Variants in ESR1 observed in about 807,000 individuals in gnomAD.
ESR1 encodes the protein estrogen receptor.
ESR1 carries 12 observed loss-of-function variants against 52.7 expected under a neutral mutation model. The observed-to-expected ratio is 0.23, with a 90% CI of 0.15 to 0.37. ESR1 has a LOEUF of 0.37. Among genes scored for constraint, ESR1 ranks in the 10% least tolerant of loss-of-function variants. The probability of loss-of-function intolerance (pLI) is 1.00; values close to 1 mark genes in which losing one functional copy is unlikely to be tolerated. For missense variants in ESR1, 584 were observed against 779.7 expected, an observed-to-expected ratio of 0.75 and a Z score of 2.99; for synonymous variants, 305 against 316.8, an observed-to-expected ratio of 0.96 and a Z score of 0.39.
At chr6:152,004,288 C>A (rs2042169858) in intron 4 of ESR1, among the ~76,000 whole-genome samples, 1 of 151,940 alleles carries the variant, frequency 6.6e-6, no homozygotes, top group South Asian at 2.1e-4. Flanking sequence ...GTGGTTAAGA[C>A]CAATAATTTT....
At chr6:151,872,759 A>C (rs1791189003) in intron 2 of ESR1, among the ~76,000 whole-genome samples, 1 of 152,128 alleles carries the variant, frequency 6.6e-6, no homozygotes, top group African/African-American at 2.4e-5. Flanking sequence ...ACAAAGCATC[A>C]CTCAGGAGTC....
intron 4 of ESR1, among the ~76,000 whole-genome samples, chr6:152,009,728 C>T (rs9340961): frequency 0.023 from 3,549 of 152,164 alleles, 66 homozygotes; most frequent in South Asian, 0.071. Context: ...CCTACTCTTA[C>T]GTATTTAACC....
chr6:151,673,122 G>A (rs887798043), intron 1 of ESR1, among the ~76,000 whole-genome samples: 1 of 151,972 alleles, frequency 6.6e-6, no homozygotes, highest in Non-Finnish European at 1.5e-5. Flanking sequence ...CACGGCGCCC[G>A]GCTTCATGAT....
rs1229789425 is a variant in ESR1 at position 152,061,637 on chromosome 6, C to T, written c.1369+513C>T. Among the ~76,000 whole-genome samples the T allele has an allele frequency of 6.6e-6, 1 of 152,194 alleles. No individual in the cohort carries two copies. The highest frequency in any genetic ancestry group is 1.9e-4 in the East Asian group (1 of 5,198). On this transcript the variant is annotated intron_variant, in intron 6 of 7. Transcript: ENST00000206249. The surrounding 1 kb of genome is among the most constrained non-coding windows in gnomAD (Gnocchi z 4.3). ...AGAATGTGGAATGCAATAAATTGTC[C>T]AGCTGAAAGAACATTTTCCATTTGC... is the stretch of plus-strand genomic sequence containing the variant.
intron 2 of ESR1, among the ~76,000 whole-genome samples, chr6:151,717,009 G>C (rs1781095198): frequency 2.0e-5 from 3 of 152,170 alleles, no homozygotes; most frequent in Admixed American, 6.5e-5. Context: ...GGAATCTCCT[G>C]GTCTGTGTGT....
chr6:151,774,459 G>C (rs1040800683), intron 2 of ESR1, among the ~76,000 whole-genome samples: 1 of 152,202 alleles, frequency 6.6e-6, no homozygotes, highest in South Asian at 2.1e-4. Context: ...TGGATCACTG[G>C]GGACTCATTA....
chr6:151,661,927 A>G (rs1777651387), intron 1 of ESR1, among the ~76,000 whole-genome samples: 1 of 152,152 alleles, frequency 6.6e-6, no homozygotes, highest in South Asian at 2.1e-4. Context: ...TGGAAATATG[A>G]GTCAATTAAA....
At chr6:151,731,607 G>T (rs1377573817) in intron 2 of ESR1, among the ~76,000 whole-genome samples, 2 of 152,056 alleles carry the variant, frequency 1.3e-5, no homozygotes, top group South Asian at 2.1e-4. Flanking sequence ...CCCTCAGAGA[G>T]TTTATGCTAA....
chr6:151,789,483 A>G (rs1787323595), intron 2 of ESR1, among the ~76,000 whole-genome samples: 2 of 152,198 alleles, frequency 1.3e-5, no homozygotes, highest in South Asian at 4.1e-4. Flanking sequence ...CATTTGTTCT[A>G]AATATTGAAG....
At chr6:151,657,130 C>T (rs1233064224) in intron 1 of ESR1, among the ~76,000 whole-genome samples, 2 of 151,970 alleles carry the variant, frequency 1.3e-5, no homozygotes, top group Non-Finnish European at 2.9e-5. Flanking sequence ...TTAGTTTTTT[C>T]TCTGTCTATT....
chr6:151,788,207 T>G (rs1787201196), intron 2 of ESR1, among the ~76,000 whole-genome samples: 1 of 152,210 alleles, frequency 6.6e-6, no homozygotes, highest in South Asian at 2.1e-4. Flanking sequence ...TTGCAAACTA[T>G]GCGTCTAACC....
chr6:151,818,906 C>T (rs1480090354), intron 1 of ESR1, among the ~76,000 whole-genome samples: 2 of 152,028 alleles, frequency 1.3e-5, no homozygotes, highest in African/African-American at 4.8e-5. Context: ...TCTTCCTCTG[C>T]ATAAAAGACC....
At chr6:151,739,974 G>T (rs932261677) in intron 2 of ESR1, among the ~76,000 whole-genome samples, 3 of 152,102 alleles carry the variant, frequency 2.0e-5, no homozygotes, top group Non-Finnish European at 4.4e-5. Context: ...CAGCACACTG[G>T]ACATTGTCTT....
intron 6 of ESR1, chr6:152,122,549 G>A (rs765163147): frequency 1.9e-6 from 3 of 1,614,226 alleles, no homozygotes; most frequent in Admixed American, 1.7e-5. Context: ...AGGCAGGCAA[G>A]CCCGATGAGG....
upstream of ESR1, among the ~76,000 whole-genome samples, chr6:151,802,944 A>T (rs1270137299): frequency 6.6e-6 from 1 of 150,948 alleles, no homozygotes; most frequent in Non-Finnish European, 1.5e-5. Flanking sequence ...GTGAGCCGAG[A>T]TCACACCAGT....
chr6:151,880,938 A>G (rs1051318436), intron 3 of ESR1, among the ~76,000 whole-genome samples, 167 bp downstream of exon 3: 1 of 151,910 alleles, frequency 6.6e-6, no homozygotes, highest in Non-Finnish European at 1.5e-5. Flanking sequence ...AATCCATTTT[A>G]TTTTAAAAAG....
In ESR1 at chr6:152,022,801, G is replaced by T. The variant is rs534498748; in HGVS notation, c.1235+11007G>T. Among the ~76,000 whole-genome samples the T allele has an allele frequency of 6.5e-4, 85 of 130,508 alleles. 1 individual carries two copies. The South Asian group carries it at 0.012, about 18-fold the overall frequency. 85.6% of individuals were successfully genotyped at this position (130,508 alleles called of 152,430 possible). ...AACCTGACCAACATGGAGAAACCCT[G>T]TCTCTACTAAAAATAAAAATTAAAA... On this transcript the variant is annotated intron_variant, in intron 5 of 7. Coordinates refer to ENST00000206249, the MANE Select transcript of ESR1 (RefSeq NM_000125.4).
chr6:151,826,286 TATAGGAACATAAG>T (rs1315422659), intron 1 of ESR1, among the ~76,000 whole-genome samples: 5 of 152,218 alleles, frequency 3.3e-5, no homozygotes, highest in African/African-American at 9.6e-5. Flanking sequence ...GGCCAAATCT[TATAGGAACATAAG>T]AGCGAATGAG....
intron 2 of ESR1, among the ~76,000 whole-genome samples, chr6:151,846,186 C>G (rs1259273662): frequency 1.3e-5 from 2 of 152,142 alleles, no homozygotes; most frequent in African/African-American, 4.8e-5. Flanking sequence ...GGAGGAAAGG[C>G]AGAGCGCGGG....
Sources: gnomAD v4.1 joint callset for allele counts (sites outside exome capture counted in the v4.1 genomes callset) on GRCh38, gnomAD v4.1.1 for gene constraint, Gnocchi (gnomAD v3.1) non-coding constraint, MANE v1.5 for transcripts, NCBI Gene and HGNC (gene_info 2026-07-23, HGNC 2026-07-21) for gene names.